The following DOCK10 variants were observed in gnomAD, a reference collection of about 807,000 sequenced individuals.
DOCK10 encodes the protein dedicator of cytokinesis 10, also known as dedicator of cytokinesis protein 10.
In DOCK10, 145 loss-of-function variants were observed where a neutral mutation model predicts 280.1. The observed-to-expected ratio is 0.52, with a 90% CI of 0.45 to 0.59. The LOEUF (loss-of-function observed/expected upper bound fraction) is 0.59. Among genes scored for constraint, DOCK10 ranks in the 20% least tolerant of loss-of-function variants. DOCK10 has a pLI of 0.00. For missense variants in DOCK10, 2,368 were observed against 2,651.7 expected (o/e 0.89, Z 2.35); for synonymous variants, 915 against 942.2 (o/e 0.97, Z 0.53).
chr2:224,834,259 A>G lies in DOCK10; in HGVS notation c.2855T>C (p.Val952Ala). ...CTCCTTGCATGCCCTGGTCTTGAACACGAACTGAAGAAAATCCAAAAAGTG... is the reference window on the plus strand; with the variant it reads ...CTCCTTGCATGCCCTGGTCTTGAACGCGAACTGAAGAAAATCCAAAAAGTG... ...DHSVQSYIKFVFKTRACKERT... is the reference protein window; with the variant it reads ...DHSVQSYIKFAFKTRACKERT... The change falls in exon 26 of 56, where the codon GTG becomes GCG. Residue 952 changes from valine (V) to alanine (A), a missense_variant. Around this residue, in one of 2 missense-constraint regions of DOCK10, gnomAD observed 1,209 missense variants for 1,250.9 expected, o/e 0.97. Transcript: ENST00000258390. 1 of 1,589,732 alleles carries G rather than the reference A, an allele frequency of 6.3e-7. No homozygotes were observed. The highest frequency in any genetic ancestry group is 1.1e-5 in the South Asian group (1 of 89,664).
chr2:224,898,864 C>T (rs757365744), intron 3 of DOCK10, among the ~76,000 whole-genome samples: 53 of 152,316 alleles, frequency 3.5e-4, no homozygotes, highest in Non-Finnish European at 7.3e-4. Context: ...CGTGAGCCAC[C>T]GCACCGGGCT....
Position 224,819,530 on chromosome 2 carries a change from C to A in DOCK10, c.3184-1G>T. ...CTCGGTCCATAAATGTAAAGCAGCG[C>A]TAAAATAGATAAAATTCTAAATTTA... On this transcript the variant is annotated splice_acceptor_variant, in intron 28 of 55. Transcript: ENST00000258390. LOFTEE classifies it high-confidence loss of function. 6.4e-7 allele frequency: 1 copy of A among 1,573,970 alleles called. No individual in the cohort carries two copies. The highest frequency in any genetic ancestry group is 8.6e-7 in the Non-Finnish European group (1 of 1,161,952).
intron 1 of DOCK10, among the ~76,000 whole-genome samples, chr2:225,016,364 A>G (rs1689589682): frequency 6.6e-6 from 1 of 151,974 alleles, no homozygotes; most frequent in Non-Finnish European, 1.5e-5. Flanking sequence ...GTATTTGTTT[A>G]AAAGTTTTTG....
At chr2:224,867,716 T>C (rs1045824668) in intron 11 of DOCK10, among the ~76,000 whole-genome samples, 4 of 151,636 alleles carry the variant, frequency 2.6e-5, no homozygotes, top group Non-Finnish European at 5.9e-5. Flanking sequence ...TGGAGGAAAA[T>C]GAAAAATTGG....
In DOCK10 at chr2:224,773,626, TTTTC is replaced by T. The variant is rs958978741; in HGVS notation, c.6014-283_6014-280del. Among the ~76,000 whole-genome samples the T allele has an allele frequency of 5.3e-4, 80 of 152,090 alleles. No homozygotes were observed. In the Middle Eastern group the frequency reaches 0.01, roughly 19 times the overall value. ...TTTAGGCCTTTAGAATTTTTTTCTT[TTTTC>T]TTTCTATCTTTTTTTTTTTTTGAGA... On this transcript the variant is annotated intron_variant, in intron 52 of 55. Coordinates refer to ENST00000258390, the MANE Select transcript of DOCK10 (RefSeq NM_014689.3).
chr2:224,979,866 C>T (rs1287155425), intron 1 of DOCK10, among the ~76,000 whole-genome samples: 1 of 151,586 alleles, frequency 6.6e-6, no homozygotes, highest in Middle Eastern at 3.2e-3. Flanking sequence ...AAAAGAGACA[C>T]AGAGATGTTA....
chr2:225,024,886 T>G (rs1439680868), intron 1 of DOCK10, among the ~76,000 whole-genome samples: 1 of 151,636 alleles, frequency 6.6e-6, no homozygotes, highest in Non-Finnish European at 1.5e-5. Flanking sequence ...GAAACTCTGT[T>G]TCAAAAAGAA....
intron 26 of DOCK10, among the ~76,000 whole-genome samples, chr2:224,831,685 G>A (rs1038514831): frequency 3.3e-5 from 5 of 152,194 alleles, no homozygotes; most frequent in East Asian, 1.9e-4. Context: ...GGCCTTGTAC[G>A]CCTGAGCTCT....
intron 1 of DOCK10, among the ~76,000 whole-genome samples, chr2:225,017,615 C>T (rs1038107649): frequency 6.7e-6 from 1 of 148,604 alleles, no homozygotes; most frequent in East Asian, 2.0e-4. Flanking sequence ...AACTGAATCC[C>T]TTAGTAATTT....
intron 2 of DOCK10, among the ~76,000 whole-genome samples, chr2:224,919,446 T>A (rs1293821313): frequency 1.3e-5 from 2 of 151,078 alleles, no homozygotes; most frequent in Admixed American, 6.6e-5. Flanking sequence ...TCTGTACACA[T>A]GTGAATGGGT....
chr2:224,871,160 T>A (rs1698257910), intron 11 of DOCK10, among the ~76,000 whole-genome samples: 1 of 152,104 alleles, frequency 6.6e-6, no homozygotes, highest in South Asian at 2.1e-4. Context: ...CCCTAAGACA[T>A]CTCTCTTTGG....
intron 1 of DOCK10, among the ~76,000 whole-genome samples, chr2:224,946,663 C>A (rs1373780238): frequency 4.6e-5 from 7 of 152,126 alleles, no homozygotes; most frequent in Non-Finnish European, 7.4e-5. Flanking sequence ...GGTTTGAGAA[C>A]AGCGTGACTT....
Position 224,874,308 on chromosome 2 carries a change from G to A in DOCK10, c.1059C>T (p.Asn353=). The change falls in exon 10 of 56, where the codon AAC becomes AAT. Residue 353 remains asparagine, a synonymous_variant. Transcript: ENST00000258390. ...GAGAGAACAGATTTAGCCTCTCCATGTTTCGAGTTGTTTTTACAGTATCTT... is the reference window on the plus strand; with the variant it reads ...GAGAGAACAGATTTAGCCTCTCCATATTTCGAGTTGTTTTTACAGTATCTT... ...ETEDTVKTTR[N]MERLNLFSLD... 1 of 1,613,184 alleles carries A rather than the reference G, an allele frequency of 6.2e-7. No homozygotes were observed. Among genetic ancestry groups the A allele is most frequent in the Non-Finnish European group, 8.5e-7 (1 of 1,179,602 alleles).
At chr2:225,014,081 A>ATATATATTTT (rs776104946) in intron 1 of DOCK10, among the ~76,000 whole-genome samples, 17 of 96,824 alleles carry the variant, frequency 1.8e-4, no homozygotes, top group East Asian at 3.2e-4. Context: ...GTCTGAATAT[A>ATATATATTTT]TTGTTTTTTT....
chr2:224,895,928 G>A (rs1480258741), intron 4 of DOCK10, among the ~76,000 whole-genome samples: 1 of 150,998 alleles, frequency 6.6e-6, no homozygotes, highest in Non-Finnish European at 1.5e-5. Flanking sequence ...CATGAAACAA[G>A]TAACAAATAT....
At chr2:224,818,537 A>T (rs1694300351) in intron 29 of DOCK10, among the ~76,000 whole-genome samples, 1 of 151,720 alleles carries the variant, frequency 6.6e-6, no homozygotes, top group African/African-American at 2.4e-5. Context: ...AGCTGGAGCT[A>T]CAGGTGCCCG....
chr2:225,004,943 T>C (rs947244567), intron 1 of DOCK10, among the ~76,000 whole-genome samples: 4 of 152,246 alleles, frequency 2.6e-5, no homozygotes, highest in African/African-American at 9.6e-5. Flanking sequence ...TATGATTGTC[T>C]TGACTCATGC....
chr2:225,035,846 C>G (rs1452842001), intron 1 of DOCK10, among the ~76,000 whole-genome samples: 1 of 151,086 alleles, frequency 6.6e-6, no homozygotes, highest in Non-Finnish European at 1.5e-5. Flanking sequence ...CTTGTTGTGT[C>G]CTCACATGAC....
intron 1 of DOCK10, among the ~76,000 whole-genome samples, chr2:225,037,248 A>T (rs1690285526): frequency 6.6e-6 from 1 of 152,290 alleles, no homozygotes; most frequent in East Asian, 1.9e-4. Flanking sequence ...CATATTTTAA[A>T]GACTTAACTA....
Sources: allele counts gnomAD v4.1 joint callset (sites outside exome capture counted in the v4.1 genomes callset), GRCh38; gene constraint gnomAD v4.1.1; regional missense constraint gnomAD v4.1.1; transcripts MANE v1.5; gene names NCBI Gene and HGNC (gene_info 2026-07-23, HGNC 2026-07-21).